DENND2B: variants seen among roughly 807,000 people sequenced by gnomAD.
The protein encoded by DENND2B is DENN domain-containing protein 2B.
In DENND2B, 32 loss-of-function variants were observed where a neutral mutation model predicts 116.0. That is an observed-to-expected ratio of 0.28 (90% CI 0.21 to 0.37). The LOEUF is 0.37. Among genes scored for constraint, DENND2B ranks in the 10% least tolerant of loss-of-function variants. The pLI is 1.00. For missense variants in DENND2B, 1,276 were observed against 1,477.7 expected (o/e 0.86, Z 2.24); for synonymous variants, 588 against 583.9 (o/e 1.01, Z -0.10).
At chr11:8,720,090 G>A (rs1369631153) in intron 4 of DENND2B, among the ~76,000 whole-genome samples, 5 of 152,116 alleles carry the variant, frequency 3.3e-5, no homozygotes, top group African/African-American at 7.2e-5. Flanking sequence ...TCTCTGGGAC[G>A]GACAGAGGGA....
At chr11:8,894,638 A>G (rs1447315640) in intron 1 of DENND2B, among the ~76,000 whole-genome samples, 6 of 152,218 alleles carry the variant, frequency 3.9e-5, no homozygotes, top group Non-Finnish European at 8.8e-5. Context: ...GCCAACAGAC[A>G]CATCAAAAAA....
At chr11:8,715,564 A>T (rs1592607253) in intron 6 of DENND2B, 39 bp downstream of exon 6, 2 of 1,604,486 alleles carry the variant, frequency 1.2e-6, no homozygotes, top group Non-Finnish European at 1.7e-6. Flanking sequence ...CTGCCCGCCC[A>T]CCTGCCCGGC....
chr11:8,872,143 A>T (rs931247831), upstream of DENND2B, among the ~76,000 whole-genome samples: 1 of 152,212 alleles, frequency 6.6e-6, no homozygotes, highest in Middle Eastern at 3.2e-3. Flanking sequence ...CACATATCCT[A>T]AAGAGGTATT....
At chr11:8,720,577 A>G (rs532890757) in intron 4 of DENND2B, among the ~76,000 whole-genome samples, 2 of 152,318 alleles carry the variant, frequency 1.3e-5, no homozygotes, top group African/African-American at 2.4e-5. Flanking sequence ...TCAGTTCTCC[A>G]GCAAATAGAC....
At chr11:8,777,050 T>C (rs1451825498) in intron 1 of DENND2B, among the ~76,000 whole-genome samples, 2 of 152,198 alleles carry the variant, frequency 1.3e-5, no homozygotes, top group Non-Finnish European at 2.9e-5. Flanking sequence ...CTTGCTATTA[T>C]TATAGGTATA....
intron 1 of DENND2B, among the ~76,000 whole-genome samples, chr11:8,894,384 G>C (rs9794836): frequency 1.1e-4 from 17 of 151,858 alleles, no homozygotes; most frequent in African/African-American, 2.9e-4. Context: ...CAACAAAAGC[G>C]AAAATTGACA....
chr11:8,744,746 CT>C (rs574775229), intron 2 of DENND2B, among the ~76,000 whole-genome samples: 155 of 152,196 alleles, frequency 1.0e-3, no homozygotes, highest in Non-Finnish European at 1.7e-3. Flanking sequence ...TTATTTTCCC[CT>C]TTTTGAAAAG....
At chr11:8,870,292 C>T (rs954320499) in intron 2 of DENND2B, among the ~76,000 whole-genome samples, 12 of 152,322 alleles carry the variant, frequency 7.9e-5, no homozygotes, top group Non-Finnish European at 1.5e-4. Context: ...CACTTGAAAA[C>T]ATTGTCTCTT....
intron 2 of DENND2B, among the ~76,000 whole-genome samples, chr11:8,869,401 G>A (rs1415898022): frequency 6.6e-6 from 1 of 152,120 alleles, no homozygotes; most frequent in African/African-American, 2.4e-5. Flanking sequence ...AGTGGCTCAC[G>A]CCTGTAATTC....
intron 1 of DENND2B, chr11:8,776,789 C>A (rs759819475): frequency 6.4e-6 from 1 of 157,186 alleles, no homozygotes; most frequent in African/African-American, 2.4e-5. Flanking sequence ...CAATAATAGC[C>A]ATGGTCAACT....
At chr11:8,732,601 A>G (rs6484008) in intron 2 of DENND2B, among the ~76,000 whole-genome samples, 95,668 of 151,898 alleles carry the variant, frequency 0.63, 30,275 homozygotes, top group East Asian at 0.67. Flanking sequence ...GGGACAAACA[A>G]ATAGTGTCTG....
intron 3 of DENND2B, among the ~76,000 whole-genome samples, chr11:8,848,684 T>C (rs1255666803): frequency 6.6e-6 from 1 of 152,226 alleles, no homozygotes; most frequent in African/African-American, 2.4e-5. Flanking sequence ...ATGTTAATAA[T>C]ATTTGAAGCA....
At chr11:8,713,186 C>T (rs1441843168) in intron 8 of DENND2B, among the ~76,000 whole-genome samples, 1 of 152,098 alleles carries the variant, frequency 6.6e-6, no homozygotes, top group East Asian at 1.9e-4. Context: ...GCAGGGTTTC[C>T]CAGTAGAGAA....
upstream of DENND2B, among the ~76,000 whole-genome samples, chr11:8,872,933 C>G (rs1386578858): frequency 6.6e-6 from 1 of 152,186 alleles, no homozygotes; most frequent in African/African-American, 2.4e-5. Flanking sequence ...AGTGCTTGAA[C>G]ACCTCAGGAG....
At chr11:8,826,524 T>C (rs2061983686) in intron 4 of DENND2B, among the ~76,000 whole-genome samples, 1 of 152,186 alleles carries the variant, frequency 6.6e-6, no homozygotes. Context: ...CATACCAGCT[T>C]ATCTCCTGTA....
chr11:8,738,343 C>G (rs2049492114), intron 2 of DENND2B, among the ~76,000 whole-genome samples: 1 of 152,228 alleles, frequency 6.6e-6, no homozygotes, highest in Admixed American at 6.5e-5. Flanking sequence ...AAATGCTCTT[C>G]TCAGTCGGTT....
chr11:8,743,221 A>G (rs984844387), intron 2 of DENND2B, among the ~76,000 whole-genome samples: 1 of 152,144 alleles, frequency 6.6e-6, no homozygotes, highest in Non-Finnish European at 1.5e-5. Flanking sequence ...TGTTTAAAAA[A>G]AATCTAAAGT....
intron 1 of DENND2B, among the ~76,000 whole-genome samples, chr11:8,777,677 T>C (rs2057892691): frequency 6.6e-6 from 1 of 152,146 alleles, no homozygotes; most frequent in Non-Finnish European, 1.5e-5. Flanking sequence ...AAAATTCCTA[T>C]CAATACAGTT....
intron 1 of DENND2B, among the ~76,000 whole-genome samples, chr11:8,890,161 A>G (rs530857381): frequency 1.3e-5 from 2 of 152,358 alleles, no homozygotes; most frequent in South Asian, 2.1e-4. Flanking sequence ...GCAAACTCCA[A>G]CAGACCTGCA....
Sources: gnomAD v4.1 joint callset for allele counts (sites outside exome capture counted in the v4.1 genomes callset) on GRCh38, gnomAD v4.1.1 for gene constraint, MANE v1.5 for transcripts, NCBI Gene and HGNC (gene_info 2026-07-23, HGNC 2026-07-21) for gene names.